The following FHIT variants were observed in gnomAD, a reference collection of about 807,000 sequenced individuals.
The protein encoded by FHIT is fragile histidine triad diadenosine triphosphatase, also known as bis(5'-adenosyl)-triphosphatase.
A neutral mutation model predicts 17.9 loss-of-function variants in FHIT; 19 were observed. The ratio of observed to expected loss-of-function variants is 1.06; its 90% CI spans 0.74 to 1.56. FHIT has a LOEUF of 1.56. Ranked by LOEUF, FHIT falls within the 40% of genes most tolerant of loss-of-function variation. FHIT has a pLI of 0.00. For synonymous variants in FHIT, 81 were observed against 69.7 expected (o/e 1.16, Z -0.81); for missense variants, 248 against 189.2 (o/e 1.31, Z -1.82).
At chr3:60,369,990 A>G (rs1700257659) in intron 5 of FHIT, among the ~76,000 whole-genome samples, 1 of 152,210 alleles carries the variant, frequency 6.6e-6, no homozygotes, top group Non-Finnish European at 1.5e-5. Context: ...AAGGTACATA[A>G]AAAAAGATAT....
At chr3:59,800,133 C>A (rs373861746) in intron 8 of FHIT, among the ~76,000 whole-genome samples, 1 of 152,168 alleles carries the variant, frequency 6.6e-6, no homozygotes, top group African/African-American at 2.4e-5. Context: ...TGTGCTTGCT[C>A]GGTATTATTT....
At chr3:59,974,154 C>A (rs1220574784) in intron 7 of FHIT, among the ~76,000 whole-genome samples, 1 of 152,018 alleles carries the variant, frequency 6.6e-6, no homozygotes, top group African/African-American at 2.4e-5. Context: ...TGTTATGACT[C>A]CAGAGAGTTA....
intron 5 of FHIT, among the ~76,000 whole-genome samples, chr3:60,442,216 A>G (rs1023690862): frequency 6.6e-6 from 1 of 152,036 alleles, no homozygotes; most frequent in African/African-American, 2.4e-5. Flanking sequence ...TGATTTCATT[A>G]TAATGCCTAA....
chr3:60,305,300 T>C (rs1002798739), intron 5 of FHIT, among the ~76,000 whole-genome samples: 3 of 152,126 alleles, frequency 2.0e-5, no homozygotes, highest in Non-Finnish European at 2.9e-5. Context: ...ATGCTTACCA[T>C]GGCAAGAGCA....
chr3:60,661,512 A>G (rs1049266932), intron 4 of FHIT, among the ~76,000 whole-genome samples: 2 of 152,210 alleles, frequency 1.3e-5, no homozygotes, highest in Non-Finnish European at 2.9e-5. Flanking sequence ...TGCTATAAAC[A>G]TGTGTGTGCA....
chr3:60,322,228 A>C (rs150771257), intron 5 of FHIT, among the ~76,000 whole-genome samples: 73 of 152,302 alleles, frequency 4.8e-4, no homozygotes, highest in African/African-American at 1.7e-3. Flanking sequence ...ATCCTGGAGT[A>C]TATTAGCACT....
At chr3:60,983,925 TA>T (rs147839379) in intron 3 of FHIT, among the ~76,000 whole-genome samples, 45 of 151,780 alleles carry the variant, frequency 3.0e-4, no homozygotes, top group Non-Finnish European at 1.5e-5. Context: ...CAGCATAAGA[TA>T]AAAAAAATTG....
chr3:60,144,535 A>G (rs1700159294), intron 5 of FHIT, among the ~76,000 whole-genome samples: 1 of 152,190 alleles, frequency 6.6e-6, no homozygotes, highest in South Asian at 2.1e-4. Context: ...AAACTTGATT[A>G]GTATTTGCTT....
intron 5 of FHIT, among the ~76,000 whole-genome samples, chr3:60,047,775 T>TG (rs563300584): frequency 2.5e-4 from 38 of 152,318 alleles, no homozygotes; most frequent in Admixed American, 1.2e-3. Context: ...GACCACTCAG[T>TG]GCCATACTAA....
At chr3:60,474,065 G>C (rs1460046225) in intron 5 of FHIT, among the ~76,000 whole-genome samples, 1 of 152,120 alleles carries the variant, frequency 6.6e-6, no homozygotes, top group Non-Finnish European at 1.5e-5. Context: ...AAATTCTGAT[G>C]CATTTTTCAT....
rs564519012 is a variant in FHIT, at chr3:61,246,399, A to G, written c.-213+4902T>C. 6.6e-5 allele frequency among the ~76,000 whole-genome samples: 10 copies of G among 152,224 alleles called. No homozygotes were observed. In the South Asian group the frequency reaches 2.1e-3, roughly 32 times the overall value. ...GGGAACAAGAACACTTAAAGTCTACACTCTAAGTAATCTTCAATAATACAA... is the reference window on the plus strand; with the variant it reads ...GGGAACAAGAACACTTAAAGTCTACGCTCTAAGTAATCTTCAATAATACAA... On this transcript the variant is annotated intron_variant, in intron 1 of 9. Transcript: ENST00000492590.
At chr3:60,038,546 T>C (rs983116990) in intron 5 of FHIT, among the ~76,000 whole-genome samples, 5 of 152,206 alleles carry the variant, frequency 3.3e-5, no homozygotes, top group African/African-American at 7.2e-5. Context: ...CATGAAACGC[T>C]TGATAGTTCA....
At chr3:60,648,228 T>G (rs532083793) in intron 4 of FHIT, among the ~76,000 whole-genome samples, 1 of 152,208 alleles carries the variant, frequency 6.6e-6, no homozygotes, top group East Asian at 1.9e-4. Flanking sequence ...GAAGCTCAAA[T>G]TCATACGTCA....
intron 7 of FHIT, among the ~76,000 whole-genome samples, chr3:59,983,828 T>A (rs1322030674): frequency 6.6e-6 from 1 of 152,030 alleles, no homozygotes; most frequent in African/African-American, 2.4e-5. Context: ...CCTGATTTGG[T>A]CAAGTCTCCA....
intron 8 of FHIT, among the ~76,000 whole-genome samples, chr3:59,898,731 G>T (rs1258947130): frequency 6.6e-6 from 1 of 151,802 alleles, no homozygotes; most frequent in Non-Finnish European, 1.5e-5. Context: ...TACAACACCA[G>T]ACAATGAATG....
intron 2 of FHIT, among the ~76,000 whole-genome samples, chr3:61,187,218 A>T (rs2038543917): frequency 6.6e-6 from 1 of 152,162 alleles, no homozygotes; most frequent in Non-Finnish European, 1.5e-5. Flanking sequence ...CTTGATAAGG[A>T]ACTAAGGAAC....
chr3:60,457,578 A>G (rs1234098651), intron 5 of FHIT, among the ~76,000 whole-genome samples: 1 of 152,218 alleles, frequency 6.6e-6, no homozygotes, highest in East Asian at 1.9e-4. Context: ...AAAATTGACA[A>G]ATGGGATCCA....
chr3:60,971,078 T>A (rs1416018508), intron 3 of FHIT, among the ~76,000 whole-genome samples: 2 of 152,106 alleles, frequency 1.3e-5, no homozygotes, highest in Admixed American at 6.6e-5. Context: ...GAAAAAATAA[T>A]GATAATGGGC....
chr3:60,183,022 G>A (rs200713702), intron 5 of FHIT, among the ~76,000 whole-genome samples: 7 of 152,006 alleles, frequency 4.6e-5, no homozygotes, highest in Non-Finnish European at 1.0e-4. Context: ...AGAATAAAAA[G>A]GATATGTAGT....
Sources: gnomAD v4.1 joint callset for allele counts (sites outside exome capture counted in the v4.1 genomes callset) on GRCh38, gnomAD v4.1.1 for gene constraint, MANE v1.5 for transcripts, NCBI Gene and HGNC (gene_info 2026-07-23, HGNC 2026-07-21) for gene names.